DNAJC17: variants seen among roughly 807,000 people sequenced by gnomAD.
DNAJC17 encodes DnaJ heat shock protein family (Hsp40) member C17, also known as dnaJ homolog subfamily C member 17.
Under a neutral mutation model 48.1 loss-of-function variants are expected in DNAJC17, and 35 were observed. The ratio of observed to expected loss-of-function variants is 0.73; its 90% CI spans 0.56 to 0.96. DNAJC17 has a LOEUF of 0.96. DNAJC17 is among the 50% of genes least tolerant of loss of function. The pLI, the probability that DNAJC17 is intolerant of heterozygous loss-of-function variation, is 0.00. For missense variants in DNAJC17, 355 were observed against 377.1 expected (o/e 0.94, Z 0.48); for synonymous variants, 117 against 142.7 (o/e 0.82, Z 1.28).
At chr15:40,805,756 G>A (rs1031070463) in intron 1 of DNAJC17, among the ~76,000 whole-genome samples, 5 of 151,190 alleles carry the variant, frequency 3.3e-5, no homozygotes, top group Admixed American at 6.6e-5. Context: ...GCGTGAACCC[G>A]AGAGGCGGAG....
At chr15:40,776,491 C>T in intron 5 of DNAJC17, 51 bp downstream of exon 5, 2 of 1,604,742 alleles carry the variant, frequency 1.2e-6, no homozygotes, top group Non-Finnish European at 1.7e-6. Context: ...CATCCTCCCC[C>T]ACCTCCTCCT....
At chr15:40,793,017 C>T (rs1889848542) in intron 1 of DNAJC17, among the ~76,000 whole-genome samples, 3 of 151,658 alleles carry the variant, frequency 2.0e-5, no homozygotes, top group South Asian at 4.2e-4. Flanking sequence ...CTCAGCCTCC[C>T]GAGTAGCTGG....
intron 8 of DNAJC17, among the ~76,000 whole-genome samples, 169 bp from the exon 9 acceptor site, chr15:40,774,605 A>G (rs951363310): frequency 6.6e-6 from 1 of 152,266 alleles, no homozygotes; most frequent in African/African-American, 2.4e-5. Context: ...GATAGGAAAG[A>G]AAGAAATTTT....
At position 40,806,380 on chromosome 15, in the gene DNAJC17, G is replaced by A. The variant is rs561732527; in HGVS notation, c.78+989C>T. On this transcript the variant is annotated intron_variant, in intron 1 of 10. Transcript: ENST00000220496. ...ACTACAGGTGTGTGCCACCACGCCCGGCTAATTTTTGTATTTTTAGTAGAG... is the reference window on the plus strand; with the variant it reads ...ACTACAGGTGTGTGCCACCACGCCCAGCTAATTTTTGTATTTTTAGTAGAG... Among the ~76,000 whole-genome samples the A allele has an allele frequency of 1.3e-3, 203 of 151,800 alleles. 1 individual carries two copies. The highest frequency in any genetic ancestry group is 1.9e-3 in the Non-Finnish European group (127 of 67,936).
At chr15:40,799,888 C>A (rs1294671157) in intron 1 of DNAJC17, among the ~76,000 whole-genome samples, 3 of 152,136 alleles carry the variant, frequency 2.0e-5, no homozygotes, top group Admixed American at 1.3e-4. Context: ...CTCGCTTTGT[C>A]ATCCAGGCTG....
chr15:40,766,041 C>T lies in DNAJC17; in HGVS notation c.*1899G>A, dbSNP rs7182689. On this transcript the variant is annotated 3_prime_UTR_variant, in exon 11 of 11. Transcript: ENST00000220496. The stretch of plus-strand genomic sequence containing the variant: ...AGCATCAGAGCCCCCTGCCTGCATC[C>T]TGGGGCTCTGTTCTCCGGAGGAGTT... 5,382 of 485,068 alleles carry T rather than the reference C, an allele frequency of 0.011. 242 individuals carry two copies. The highest frequency in any genetic ancestry group is 0.097 in the African/African-American group (4,885 of 50,172). The allele number at this position is 485,068 out of a possible 1,614,324, so 30.0% of individuals were successfully genotyped here.
chr15:40,776,689 CA>C, intron 4 of DNAJC17, 62 bp from the exon 5 acceptor site: 1 of 1,556,436 alleles, frequency 6.4e-7, no homozygotes, highest in Non-Finnish European at 8.8e-7. Flanking sequence ...GGCCTCGGCC[CA>C]CCCCAGCTCT....
rs201402073 is a variant in DNAJC17 at position 40,775,016 on chromosome 15, G to A, written c.600+15C>T. The A allele has an allele frequency of 6.8e-6, 11 of 1,613,994 alleles. No individual in the cohort carries two copies. The highest frequency in any genetic ancestry group is 5.3e-5 in the African/African-American group (4 of 75,038). ...ACTGAGATGATAGGAAAGAGTGGAC[G>A]TCAACAGGGCCGACCTTCTGCAAAA... On this transcript the variant is annotated intron_variant, in intron 8 of 10. Transcript: ENST00000220496.
intron 1 of DNAJC17, among the ~76,000 whole-genome samples, chr15:40,799,521 G>T (rs970989676): frequency 1.3e-5 from 2 of 152,172 alleles, no homozygotes; most frequent in Non-Finnish European, 2.9e-5. Context: ...TGTACAGAAA[G>T]GCAGAGTTGA....
At chr15:40,806,514 G>A (rs1890230990) in intron 1 of DNAJC17, among the ~76,000 whole-genome samples, 1 of 151,918 alleles carries the variant, frequency 6.6e-6, no homozygotes, top group Admixed American at 6.6e-5. Flanking sequence ...ACCGCGCCCG[G>A]CCTAGTAGAC....
chr15:40,776,302 AG>A lies in DNAJC17; in HGVS notation c.382-11del, dbSNP rs1889318686. 3 of 1,613,370 alleles carry A rather than the reference AG, an allele frequency of 1.9e-6. No individual in the cohort carries two copies. The highest frequency in any genetic ancestry group is 1.7e-6 in the Non-Finnish European group (2 of 1,179,638). The stretch of plus-strand genomic sequence containing the variant: ...CTCTCAGGCGTTCGATCTGCAGAGC[AG>A]GGGGTGGGGGTGACAATTCTGTGCA... On this transcript the variant is annotated splice_polypyrimidine_tract_variant and intron_variant, in intron 5 of 10. Coordinates refer to ENST00000220496, the MANE Select transcript of DNAJC17 (RefSeq NM_018163.3).
intron 1 of DNAJC17, among the ~76,000 whole-genome samples, chr15:40,799,343 CA>C (rs757632260): frequency 3.8e-4 from 53 of 141,186 alleles, no homozygotes; most frequent in East Asian, 1.5e-3. Context: ...GGCTTTCCCA[CA>C]AAAAAAAAAA....
rs146934994 is a variant in DNAJC17, at chr15:40,768,594, C to T, written c.793-532G>A. On this transcript the variant is annotated intron_variant, in intron 10 of 10. Transcript: ENST00000220496. ...GAGGCAGCCCGGAATGCCCCACCCT[C>T]GAAGGGGAAAAAGGCAAGCATGAGG... 4.6e-5 allele frequency among the ~76,000 whole-genome samples: 7 copies of T among 152,246 alleles called. No homozygotes were observed. In the East Asian group the frequency reaches 1.2e-3, roughly 25 times the overall value.
At chr15:40,774,581 G>T (rs1318452355) in intron 8 of DNAJC17, 145 bp from the exon 9 acceptor site, 2 of 852,126 alleles carry the variant, frequency 2.3e-6, no homozygotes, top group Non-Finnish European at 3.7e-6. Context: ...TTATCTTAGT[G>T]AAGTGAGATC....
At chr15:40,800,621 G>C (rs1432199365) in intron 1 of DNAJC17, among the ~76,000 whole-genome samples, 1 of 146,488 alleles carries the variant, frequency 6.8e-6, no homozygotes, top group African/African-American at 2.5e-5. Context: ...TTTTTTGGTT[G>C]TTGAGCTGTG....
chr15:40,786,801 T>C (rs1889654791), intron 1 of DNAJC17, among the ~76,000 whole-genome samples: 1 of 152,210 alleles, frequency 6.6e-6, no homozygotes. Context: ...AAATGTAAGC[T>C]CCGTGAGTAC....
intron 1 of DNAJC17, among the ~76,000 whole-genome samples, chr15:40,796,736 GT>G (rs1023324686): frequency 6.6e-6 from 1 of 152,130 alleles, no homozygotes; most frequent in African/African-American, 2.4e-5. Context: ...TGATCTAGCA[GT>G]TCTCCTTCTG....
rs758641311 is a variant in DNAJC17, at chr15:40,765,903, G to A, written c.*2037C>T. On this transcript the variant is annotated 3_prime_UTR_variant, in exon 11 of 11. Transcript: ENST00000220496. ...CAGCATCTGGGGGCTTCAAAGAGAA[G>A]AGCCTTGGGAAACAACTTGTAAGTA... 1.9e-6 allele frequency: 3 copies of A among 1,571,884 alleles called. No individual in the cohort carries two copies. The highest frequency in any genetic ancestry group is 3.5e-5 in the Admixed American group (2 of 57,526).
At chr15:40,787,432 GC>G (rs1889669862) in intron 1 of DNAJC17, among the ~76,000 whole-genome samples, 1 of 152,168 alleles carries the variant, frequency 6.6e-6, no homozygotes, top group South Asian at 2.1e-4. Flanking sequence ...GGAAGTAGGT[GC>G]CATCCAGACC....
Sources: allele counts gnomAD v4.1 joint callset (sites outside exome capture counted in the v4.1 genomes callset), GRCh38; gene constraint gnomAD v4.1.1; transcripts MANE v1.5; gene names NCBI Gene and HGNC (gene_info 2026-07-23, HGNC 2026-07-21).